The following GRID2 variants were observed in gnomAD, a reference collection of about 807,000 sequenced individuals.
GRID2 encodes glutamate receptor ionotropic, delta-2.
Under a neutral mutation model 114.8 loss-of-function variants are expected in GRID2, and 33 were observed. The observed-to-expected ratio is 0.29, with a 90% CI of 0.22 to 0.38. The LOEUF (loss-of-function observed/expected upper bound fraction) is 0.38, where lower values mean the gene tolerates loss of function less well. Among genes scored for constraint, GRID2 ranks in the 10% least tolerant of loss-of-function variants. The pLI, the probability that GRID2 is intolerant of heterozygous loss-of-function variation, is 1.00. For synonymous variants in GRID2, 505 were observed against 449.9 expected (o/e 1.12, Z -1.55); for missense variants, 1,184 against 1,257.7 (o/e 0.94, Z 0.89).
At chr4:93,733,587 T>C (rs1166880341) in intron 14 of GRID2, among the ~76,000 whole-genome samples, 2 of 152,130 alleles carry the variant, frequency 1.3e-5, no homozygotes, top group African/African-American at 4.8e-5. Flanking sequence ...TCTGTCTACC[T>C]ACCTACCTGT....
Position 93,368,784 on chromosome 4 carries a change from C to G in GRID2, c.1246-26823C>G, listed in dbSNP as rs181779147. Among the ~76,000 whole-genome samples the G allele has an allele frequency of 4.6e-5, 7 of 152,186 alleles. No individual in the cohort carries two copies. In the East Asian group the frequency reaches 1.4e-3, roughly 29 times the overall value. On this transcript the variant is annotated intron_variant, in intron 8 of 15. Coordinates refer to ENST00000282020, the MANE Select transcript of GRID2 (RefSeq NM_001510.4). ...CAATCATAAAATGGGATTAGTCTTA[C>G]TATAAGTCACACCTGCAAAAGGAAG...
chr4:92,610,088 T>C (rs558412581), intron 2 of GRID2, among the ~76,000 whole-genome samples: 1 of 151,802 alleles, frequency 6.6e-6, no homozygotes, highest in Non-Finnish European at 1.5e-5. Flanking sequence ...ATACCTTTCC[T>C]TGATCCTATA....
At chr4:92,995,627 G>T (rs1015288649) in intron 2 of GRID2, among the ~76,000 whole-genome samples, 1 of 152,050 alleles carries the variant, frequency 6.6e-6, no homozygotes, top group East Asian at 1.9e-4. Flanking sequence ...CATTGTAATA[G>T]TAAAAATGTA....
chr4:92,413,421 T>A (rs1731434600), intron 1 of GRID2, among the ~76,000 whole-genome samples: 1 of 152,184 alleles, frequency 6.6e-6, no homozygotes, highest in Non-Finnish European at 1.5e-5. Context: ...GGAAGAAGAA[T>A]ATTAGCAGTT....
intron 2 of GRID2, among the ~76,000 whole-genome samples, chr4:93,038,720 G>A (rs1725180268): frequency 6.6e-6 from 1 of 152,146 alleles, no homozygotes; most frequent in South Asian, 2.1e-4. Context: ...GAACCCAGGA[G>A]GCGGAGCTTA....
rs144527945 is a variant in GRID2 at position 93,507,787 on chromosome 4, T to C, written c.1998-7429T>C. Among the ~76,000 whole-genome samples the C allele has an allele frequency of 1.9e-4, 29 of 152,328 alleles. No individual in the cohort carries two copies. In the East Asian group the frequency reaches 5.4e-3, roughly 28 times the overall value. ...TACCCTCAGCTTTTTGAAATACGTT[T>C]TTTGGTCCTAATTGTTTGTGTTTTC... is the stretch of plus-strand genomic sequence containing the variant. On this transcript the variant is annotated intron_variant, in intron 12 of 15. Coordinates refer to ENST00000282020, the MANE Select transcript of GRID2 (RefSeq NM_001510.4).
chr4:92,334,771 G>A (rs1478274082), intron 1 of GRID2, among the ~76,000 whole-genome samples: 1 of 152,134 alleles, frequency 6.6e-6, no homozygotes, highest in African/African-American at 2.4e-5. Context: ...AATCATAACA[G>A]TACTGTATGT....
At chr4:92,882,334 A>T (rs2149459204) in intron 2 of GRID2, among the ~76,000 whole-genome samples, 1 of 152,302 alleles carries the variant, frequency 6.6e-6, no homozygotes, top group East Asian at 1.9e-4. Context: ...TGAATAAAAA[A>T]TATTTTCCTC....
Position 92,318,136 on chromosome 4 carries a change from C to A in GRID2, c.88+13392C>A, listed in dbSNP as rs145055062. Among the ~76,000 whole-genome samples, 188 of 151,546 alleles carry A rather than the reference C, an allele frequency of 1.2e-3. 2 individuals are homozygous for A. The highest frequency in any genetic ancestry group is 4.3e-3 in the African/African-American group (179 of 41,312). ...GCACTCTTAAAAAGGAACTGTGAAGCACATGACAATGATAAATGCAAAAAT... is the reference window on the plus strand; with the variant it reads ...GCACTCTTAAAAAGGAACTGTGAAGAACATGACAATGATAAATGCAAAAAT... On this transcript the variant is annotated intron_variant, in intron 1 of 15. Coordinates refer to ENST00000282020, the MANE Select transcript of GRID2 (RefSeq NM_001510.4).
intron 1 of GRID2, among the ~76,000 whole-genome samples, chr4:92,494,824 G>A (rs1723312643): frequency 6.6e-6 from 1 of 151,890 alleles, no homozygotes; most frequent in Non-Finnish European, 1.5e-5. Context: ...TTAGTTTGGT[G>A]CAAAAGTCAT....
intron 14 of GRID2, among the ~76,000 whole-genome samples, chr4:93,649,150 A>G (rs1578476225): frequency 6.6e-6 from 1 of 152,092 alleles, no homozygotes; most frequent in Non-Finnish European, 1.5e-5. Flanking sequence ...TTTAACGGCT[A>G]TTTTGACCAT....
intron 9 of GRID2, among the ~76,000 whole-genome samples, chr4:93,406,720 C>T (rs1016523809): frequency 1.3e-5 from 2 of 152,054 alleles, no homozygotes; most frequent in Non-Finnish European, 1.5e-5. Flanking sequence ...ATCTAAATAT[C>T]TATATAGATA....
rs201308452 is a variant in GRID2, at chr4:93,316,291, CGAAAGAAAGAAAGAAAGAAAGAAA to C, written c.1245+77829_1245+77852del. 7.9e-3 allele frequency among the ~76,000 whole-genome samples: 606 copies of C among 77,116 alleles called. 6 individuals carry two copies. The highest frequency in any genetic ancestry group is 0.028 in the African/African-American group (512 of 18,140). The allele number at this position is 77,116 out of a possible 152,430, so 50.6% of individuals were successfully genotyped here. A position where few individuals can be genotyped will look rare whatever the true frequency, so the allele number is the denominator to read the frequency against. On this transcript the variant is annotated intron_variant, in intron 8 of 15. Transcript: ENST00000282020. ...AGAAAGAAAGAAAAGAACGAAAGAA[CGAAAGAAAGAAAGAAAGAAAGAAA>C]GAAAGAAAGAAAGAAAGAAAGAAAG...
intron 1 of GRID2, among the ~76,000 whole-genome samples, chr4:93,798,622 A>C (rs1734856423): frequency 6.6e-6 from 1 of 152,358 alleles, no homozygotes; most frequent in Non-Finnish European, 1.5e-5. Flanking sequence ...AAACTGCTTA[A>C]AAAATCTGTC....
At chr4:93,459,816 C>T (rs1307533379) in intron 11 of GRID2, among the ~76,000 whole-genome samples, 1 of 152,116 alleles carries the variant, frequency 6.6e-6, no homozygotes, top group East Asian at 1.9e-4. Context: ...ACCTTCTTAG[C>T]CTCTCACATT....
chr4:93,385,726 A>T (rs977659647), intron 8 of GRID2, among the ~76,000 whole-genome samples: 3 of 151,940 alleles, frequency 2.0e-5, no homozygotes, highest in Non-Finnish European at 2.9e-5. Flanking sequence ...ATAAAAAAAA[A>T]TTCACAAAAT....
intron 10 of GRID2, among the ~76,000 whole-genome samples, chr4:93,446,077 A>G (rs1346574250): frequency 6.6e-6 from 1 of 152,054 alleles, no homozygotes; most frequent in Non-Finnish European, 1.5e-5. Flanking sequence ...CAAACTGCAG[A>G]AAAGAGCAGG....
chr4:92,397,837 A>G (rs1730580322), intron 1 of GRID2, among the ~76,000 whole-genome samples: 1 of 152,172 alleles, frequency 6.6e-6, no homozygotes, highest in Non-Finnish European at 1.5e-5. Context: ...AAACGATTTT[A>G]TTTCTTCCAC....
chr4:92,460,031 A>ACTCTCTCTCTCTCTCT (rs1386723845), intron 1 of GRID2, among the ~76,000 whole-genome samples: 1 of 11,150 alleles, frequency 9.0e-5, no homozygotes, highest in African/African-American at 5.3e-4. Context: ...AATAAATCTC[A>ACTCTCTCTCTCTCTCT]CTATATATAT....
Sources: allele counts gnomAD v4.1 joint callset (sites outside exome capture counted in the v4.1 genomes callset), GRCh38; gene constraint gnomAD v4.1.1; transcripts MANE v1.5; gene names NCBI Gene and HGNC (gene_info 2026-07-23, HGNC 2026-07-21).